The following ASMTL variants were observed in gnomAD, a reference collection of about 807,000 sequenced individuals.
The protein encoded by ASMTL is acetylserotonin O-methyltransferase like, also known as probable bifunctional dTTP/UTP pyrophosphatase/methyltransferase protein.
Under a neutral mutation model 60.3 loss-of-function variants are expected in ASMTL, and 57 were observed. The observed-to-expected ratio is 0.95, with a 90% CI of 0.76 to 1.18. The LOEUF is 1.18. ASMTL is among the 50% of genes most tolerant of loss of function. ASMTL has a pLI of 0.00. For synonymous variants in ASMTL, 419 were observed against 373.0 expected (o/e 1.12, Z -1.42); for missense variants, 981 against 852.6 (o/e 1.15, Z -1.88).
At chrX:1,439,510 T>C (rs1238426998) in intron 2 of ASMTL, among the ~76,000 whole-genome samples, 6 of 152,144 alleles carry the variant, frequency 3.9e-5, no homozygotes, top group Admixed American at 1.3e-4. Flanking sequence ...TTACCCAGAA[T>C]TAAGGCCAAA....
chrX:1,413,055 GTGCGGTT>G, intron 11 of ASMTL: 1 of 617,142 alleles, frequency 1.6e-6, no homozygotes, highest in Non-Finnish European at 2.9e-6. Context: ...TGTCACGCCC[GTGCGGTT>G]TGACTCGGGC....
chrX:1,433,081 G>C (rs1432334817), intron 5 of ASMTL, among the ~76,000 whole-genome samples: 3 of 152,064 alleles, frequency 2.0e-5, no homozygotes, highest in African/African-American at 7.2e-5. Context: ...CTGGGCGACA[G>C]AGCGAGACTC....
chrX:1,442,521 G>A (rs1273219944), intron 1 of ASMTL: 1 of 175,922 alleles, frequency 5.7e-6, no homozygotes, highest in African/African-American at 2.4e-5. Flanking sequence ...GTGGTTAGTG[G>A]GCCGCGGACT....
intron 12 of ASMTL, among the ~76,000 whole-genome samples, chrX:1,411,772 A>G (rs1198176193): frequency 6.8e-6 from 1 of 147,892 alleles, no homozygotes; most frequent in East Asian, 2.0e-4. Context: ...CTTCAACTTC[A>G]CGAATAGTAA....
chrX:1,433,148 C>G (rs771136114), intron 5 of ASMTL, among the ~76,000 whole-genome samples: 3 of 151,934 alleles, frequency 2.0e-5, no homozygotes, highest in Admixed American at 1.3e-4. Context: ...CCTCAGGGTC[C>G]GGACACAGAG....
chrX:1,453,114 G>C, upstream of ASMTL, among the ~76,000 whole-genome samples: 1 of 145,274 alleles, frequency 6.9e-6, no homozygotes, highest in East Asian at 2.0e-4. Flanking sequence ...ACGCCCCATT[G>C]ATCTCCCCTG....
At chrX:1,417,825 G>T (rs2090351850) in intron 11 of ASMTL, 148 bp downstream of exon 11, 1 of 962,826 alleles carries the variant, frequency 1.0e-6, no homozygotes, top group Non-Finnish European at 1.5e-6. Context: ...ACACACACAA[G>T]CACCGTAGAC....
chrX:1,431,564 TATC>T (rs1231651364), intron 6 of ASMTL, among the ~76,000 whole-genome samples: 2 of 144,286 alleles, frequency 1.4e-5, no homozygotes, highest in Non-Finnish European at 3.0e-5. Context: ...TATATTATAA[TATC>T]TATATGTAAT....
At chrX:1,413,340 C>T (rs778051188) in intron 11 of ASMTL, among the ~76,000 whole-genome samples, 20 of 140,178 alleles carry the variant, frequency 1.4e-4, no homozygotes, top group African/African-American at 3.6e-4. Flanking sequence ...CCAGCCTGGG[C>T]GACAAGAAGG....
intron 11 of ASMTL, among the ~76,000 whole-genome samples, chrX:1,415,324 G>A (rs777003896): frequency 6.6e-6 from 1 of 152,234 alleles, no homozygotes; most frequent in African/African-American, 2.4e-5. Context: ...AGTTCCTTCC[G>A]TGACCTCGGC....
At chrX:1,446,133 A>G (rs2091225951) in intron 1 of ASMTL, among the ~76,000 whole-genome samples, 1 of 152,176 alleles carries the variant, frequency 6.6e-6, no homozygotes, top group African/African-American at 2.4e-5. Context: ...TGAAAGTACT[A>G]AAAGTGTCTG....
In ASMTL at chrX:1,452,842, G is replaced by A. The variant is rs746058287; in HGVS notation, c.-2C>T. On this transcript the variant is annotated 5_prime_UTR_variant, in exon 1 of 13. Coordinates refer to ENST00000381317, the MANE Select transcript of ASMTL (RefSeq NM_004192.4). ...CCCAATCACCGGGCACAGCACCATG[G>A]CGTCCACGCCGGGAGCCGGGCGTCC... 3 of 1,574,458 alleles carry A rather than the reference G, an allele frequency of 1.9e-6. No individual in the cohort carries two copies. The highest frequency in any genetic ancestry group is 1.2e-5 in the South Asian group (1 of 86,948).
At position 1,452,857 on chromosome X, in the gene ASMTL, GC is replaced by G. The variant is rs2091430809; in HGVS notation, c.-18del. 3.2e-6 allele frequency: 5 copies of G among 1,547,858 alleles called. No homozygotes were observed. The highest frequency in any genetic ancestry group is 4.3e-6 in the Non-Finnish European group (5 of 1,154,984). ...CAGCACCATGGCGTCCACGCCGGGA[GC>G]CGGGCGTCCGCACTTCTGAGCCCGG... On this transcript the variant is annotated 5_prime_UTR_variant, in exon 1 of 13. Transcript: ENST00000381317.
rs1377241687 is a variant in ASMTL at position 1,435,689 on chromosome X, C to A, written c.338+5G>T. 6.2e-7 allele frequency: 1 copy of A among 1,613,570 alleles called. No homozygotes were observed. The highest frequency in any genetic ancestry group is 1.7e-5 in the Admixed American group (1 of 59,988). The stretch of plus-strand genomic sequence containing the variant: ...AGAGGGCTCAGAGGCCAACATGGTG[C>A]TTACCGGGACAGCATCCTGTAGGCG... On this transcript the variant is annotated splice_donor_5th_base_variant and intron_variant, in intron 4 of 12. Coordinates refer to ENST00000381317, the MANE Select transcript of ASMTL (RefSeq NM_004192.4).
Position 1,425,703 on chromosome X carries a change from G to A in ASMTL, c.898-16C>T. 1 of 1,611,668 alleles carries A rather than the reference G, an allele frequency of 6.2e-7. No homozygotes were observed. Among genetic ancestry groups the A allele is most frequent in the Non-Finnish European group, 8.5e-7 (1 of 1,178,684 alleles). On this transcript the variant is annotated splice_polypyrimidine_tract_variant and intron_variant, in intron 7 of 12. Coordinates refer to ENST00000381317, the MANE Select transcript of ASMTL (RefSeq NM_004192.4). ...TGAGCAGGCCCTGTTAAAAGCAAGT[G>A]CAGAGAGACTCATTAAGTCCCTTGT...
intron 8 of ASMTL, among the ~76,000 whole-genome samples, chrX:1,422,645 G>T (rs1414013957): frequency 6.6e-6 from 1 of 152,126 alleles, no homozygotes; most frequent in Non-Finnish European, 1.5e-5. Flanking sequence ...TATGGAAACA[G>T]ATGGCCTCGC....
At chrX:1,453,008 C>G, upstream of ASMTL, 1 of 554,090 alleles carries the variant, frequency 1.8e-6, no homozygotes, top group Non-Finnish European at 3.1e-6. Flanking sequence ...GGCCTCCCCG[C>G]GAGACCGCGC....
chrX:1,412,430 G>C (rs186094822), intron 12 of ASMTL, among the ~76,000 whole-genome samples: 82 of 152,250 alleles, frequency 5.4e-4, no homozygotes, highest in African/African-American at 1.8e-3. Flanking sequence ...GTTTCACCAT[G>C]TTGGCCAGGC....
rs1428394162 is a variant in ASMTL, at chrX:1,437,828, C to T, written c.273+1269G>A. Among the ~76,000 whole-genome samples, 7 of 150,114 alleles carry T rather than the reference C, an allele frequency of 4.7e-5. No homozygotes were observed. In the South Asian group the frequency reaches 6.3e-4, roughly 14 times the overall value. Reference sequence around the variant, plus strand: ...AGGAGAATCATTGAAACCCGGGAGGCGGAGGTTGCAATGAGCTGAGATCAT... The same window carrying T: ...AGGAGAATCATTGAAACCCGGGAGGTGGAGGTTGCAATGAGCTGAGATCAT... On this transcript the variant is annotated intron_variant, in intron 3 of 12. Transcript: ENST00000381317.
Sources: gnomAD v4.1 joint callset for allele counts (sites outside exome capture counted in the v4.1 genomes callset) on GRCh38, gnomAD v4.1.1 for gene constraint, MANE v1.5 for transcripts, NCBI Gene and HGNC (gene_info 2026-07-23, HGNC 2026-07-21) for gene names.